RBFOX3: variants seen among roughly 807,000 people sequenced by gnomAD.
The protein encoded by RBFOX3 is RNA binding fox-1 homolog 3.
Under a neutral mutation model 48.7 loss-of-function variants are expected in RBFOX3, and 17 were observed. That is an observed-to-expected ratio of 0.35 (90% CI 0.24 to 0.52). The LOEUF is 0.52. RBFOX3 is among the 20% of genes least tolerant of loss of function. RBFOX3 has a pLI of 0.94. For synonymous variants in RBFOX3, 212 were observed against 209.5 expected (o/e 1.01, Z -0.10); for missense variants, 382 against 497.5 (o/e 0.77, Z 2.21).
chr17:79,313,267 G>C (rs555415566), intron 2 of RBFOX3, among the ~76,000 whole-genome samples: 2 of 152,164 alleles, frequency 1.3e-5, no homozygotes, highest in African/African-American at 2.4e-5. Flanking sequence ...GGGGAGGCTC[G>C]ACCTGGCTCC....
At chr17:79,137,098 T>C (rs2143804636) in intron 4 of RBFOX3, among the ~76,000 whole-genome samples, 1 of 152,182 alleles carries the variant, frequency 6.6e-6, no homozygotes, top group East Asian at 1.9e-4. Flanking sequence ...CCTGTTTGGG[T>C]TCTGAACCCC....
intron 2 of RBFOX3, among the ~76,000 whole-genome samples, chr17:79,327,432 T>C (rs1463547220): frequency 6.6e-6 from 1 of 152,158 alleles, no homozygotes; most frequent in Non-Finnish European, 1.5e-5. Flanking sequence ...TTCTCCAAGA[T>C]GATGGGTCGG....
the RBFOX3 span, among the ~76,000 whole-genome samples, chr17:79,651,625 C>CT: frequency 2.0e-5 from 2 of 97,694 alleles, no homozygotes; most frequent in African/African-American, 7.1e-5. Context: ...TGCCCCCTTT[C>CT]CTCTCTCTCT....
Position 79,479,393 on chromosome 17 carries a change from C to G in RBFOX3, c.-175+3061G>C, listed in dbSNP as rs1231406676. On this transcript the variant is annotated intron_variant, in intron 2 of 14. Transcript: ENST00000693108. This position sits in a 1 kb window ranked among gnomAD's most constrained non-coding sequence, Gnocchi z 5.1. ...CACCATCCTGAAGGTGAATAAAAGA[C>G]AGGCAGAGATTCAAAGCCACACGCA... Among the ~76,000 whole-genome samples, 1 of 152,212 alleles carries G rather than the reference C, an allele frequency of 6.6e-6. No individual in the cohort carries two copies.
intron 1 of RBFOX3, among the ~76,000 whole-genome samples, chr17:79,495,249 C>T (rs1598933635): frequency 7.2e-6 from 1 of 138,674 alleles, no homozygotes; most frequent in South Asian, 2.5e-4. Context: ...CTTGGAGAAG[C>T]CTCCTGAAGG....
chr17:79,165,717 G>A (rs1378713360), intron 4 of RBFOX3, among the ~76,000 whole-genome samples: 1 of 152,234 alleles, frequency 6.6e-6, no homozygotes, highest in Non-Finnish European at 1.5e-5. Context: ...TGGGGTCTAT[G>A]TCCAGGACAT....
At chr17:79,484,319 C>A (rs2079198856) in intron 1 of RBFOX3, among the ~76,000 whole-genome samples, 1 of 152,234 alleles carries the variant, frequency 6.6e-6, no homozygotes, top group Non-Finnish European at 1.5e-5. Context: ...GGAGCAATGC[C>A]TGGGGAACAT....
chr17:79,496,701 C>T (rs1292778686), intron 1 of RBFOX3, among the ~76,000 whole-genome samples: 1 of 152,144 alleles, frequency 6.6e-6, no homozygotes. Flanking sequence ...CAGGATGTGT[C>T]ATTAGAGCTC....
At chr17:79,594,788 G>C (rs977815935) in intron 1 of RBFOX3, among the ~76,000 whole-genome samples, 2 of 152,132 alleles carry the variant, frequency 1.3e-5, no homozygotes, top group African/African-American at 4.8e-5. Flanking sequence ...AGGCAGCTGC[G>C]AGGCCTTCCA....
Position 79,157,230 on chromosome 17 carries a change from C to T in RBFOX3, c.-33-41482G>A, listed in dbSNP as rs536763936. On this transcript the variant is annotated intron_variant, in intron 4 of 14. Transcript: ENST00000693108. ...CCCAGGGGCCCCCACTCTGTCCTCA[C>T]GCTCCCTCTGCTTTTGCCCTGGCCT... Among the ~76,000 whole-genome samples, 253 of 152,302 alleles carry T rather than the reference C, an allele frequency of 1.7e-3. 1 individual carries two copies. Among genetic ancestry groups the T allele is most frequent in the Non-Finnish European group, 3.1e-3 (212 of 68,020 alleles).
intron 1 of RBFOX3, among the ~76,000 whole-genome samples, chr17:79,530,994 T>A (rs1416042281): frequency 2.6e-5 from 4 of 152,218 alleles, no homozygotes; most frequent in Non-Finnish European, 1.5e-5. Context: ...TGGAGTCATA[T>A]TGTGGGCTGC....
intron 2 of RBFOX3, among the ~76,000 whole-genome samples, chr17:79,328,025 A>G (rs975653776): frequency 1.2e-4 from 18 of 152,176 alleles, no homozygotes; most frequent in African/African-American, 4.3e-4. Context: ...ACAAACATTG[A>G]TGACAAAACC....
At position 79,345,023 on chromosome 17, in the gene RBFOX3, GT is replaced by G. The variant is rs1450312161; in HGVS notation, c.-174-37200del. Among the ~76,000 whole-genome samples, 4 of 152,316 alleles carry G rather than the reference GT, an allele frequency of 2.6e-5. No individual in the cohort carries two copies. The East Asian group carries it at 7.7e-4, about 29-fold the overall frequency. ...ACTCCTACCTTCCTTCTGGAAACAA[GT>G]TTTTCTTTGGTTTTGTGACACTAAA... is the stretch of plus-strand genomic sequence containing the variant. On this transcript the variant is annotated intron_variant, in intron 2 of 14. Transcript: ENST00000693108.
chr17:79,657,730 T>C, the RBFOX3 span, among the ~76,000 whole-genome samples: 3 of 110,430 alleles, frequency 2.7e-5, no homozygotes, highest in African/African-American at 9.7e-5. Flanking sequence ...GCTTCTGCTG[T>C]GAAATGCAGT....
intron 3 of RBFOX3, among the ~76,000 whole-genome samples, chr17:79,286,588 G>A (rs2071943551): frequency 6.6e-6 from 1 of 152,232 alleles, no homozygotes; most frequent in South Asian, 2.1e-4. Flanking sequence ...ATGTGACAGA[G>A]CTTAATACGC....
At chr17:79,412,026 ATATGTG>A (rs1169883730) in intron 2 of RBFOX3, among the ~76,000 whole-genome samples, 1 of 149,578 alleles carries the variant, frequency 6.7e-6, no homozygotes, top group Non-Finnish European at 1.5e-5. Flanking sequence ...CATGTTGTGT[ATATGTG>A]TGTGTGGTGT....
chr17:79,097,609 C>A, intron 10 of RBFOX3, 83 bp downstream of exon 10: 1 of 1,296,992 alleles, frequency 7.7e-7, no homozygotes, highest in South Asian at 1.3e-5. Flanking sequence ...CCCCGCCCCT[C>A]ATGCCCCGCC....
intron 2 of RBFOX3, among the ~76,000 whole-genome samples, chr17:79,409,101 G>GC (rs768626377): frequency 2.6e-5 from 4 of 152,206 alleles, no homozygotes; most frequent in Non-Finnish European, 5.9e-5. Context: ...ACAATATGTG[G>GC]CTAGACACAA....
At chr17:79,469,686 C>T (rs1598835479) in intron 2 of RBFOX3, among the ~76,000 whole-genome samples, 1 of 152,164 alleles carries the variant, frequency 6.6e-6, no homozygotes, top group African/African-American at 2.4e-5. Context: ...ACAGGTTTGG[C>T]CTCCCTCATT....
Sources: gnomAD v4.1 joint callset for allele counts (sites outside exome capture counted in the v4.1 genomes callset) on GRCh38, gnomAD v4.1.1 for gene constraint, Gnocchi (gnomAD v3.1) non-coding constraint, MANE v1.5 for transcripts, NCBI Gene and HGNC (gene_info 2026-07-23, HGNC 2026-07-21) for gene names.